Variants in PDE10A observed in about 807,000 individuals in gnomAD.
PDE10A encodes the protein cAMP and cAMP-inhibited cGMP 3',5'-cyclic phosphodiesterase 10A.
A neutral mutation model predicts 97.7 loss-of-function variants in PDE10A; 39 were observed. That is an observed-to-expected ratio of 0.40 (90% CI 0.31 to 0.52). PDE10A has a LOEUF of 0.52. Among genes scored for constraint, PDE10A ranks in the 20% least tolerant of loss-of-function variants. The probability of loss-of-function intolerance (pLI) is 0.56; values close to 1 mark genes in which losing one functional copy is unlikely to be tolerated. For missense variants in PDE10A, 731 were observed against 1,047.8 expected, an observed-to-expected ratio of 0.70 and a Z score of 4.17; for synonymous variants, 371 against 376.8, an observed-to-expected ratio of 0.98 and a Z score of 0.18.
At chr6:165,748,117 G>A (rs1196826431) in intron 1 of PDE10A, among the ~76,000 whole-genome samples, 2 of 152,160 alleles carry the variant, frequency 1.3e-5, no homozygotes, top group Non-Finnish European at 2.9e-5. Flanking sequence ...CAGAGAAACA[G>A]ACTTACAAAC....
intron 1 of PDE10A, among the ~76,000 whole-genome samples, chr6:165,756,871 G>C (rs550421757): frequency 1.3e-5 from 2 of 152,162 alleles, no homozygotes; most frequent in South Asian, 4.2e-4. Flanking sequence ...GGGAGAACGA[G>C]TATATTTCAT....
At chr6:165,674,119 G>A (rs1291734214) in intron 1 of PDE10A, among the ~76,000 whole-genome samples, 1 of 152,124 alleles carries the variant, frequency 6.6e-6, no homozygotes, top group Non-Finnish European at 1.5e-5. Flanking sequence ...TCATTGCCCA[G>A]GTTCAAATCT....
intron 1 of PDE10A, among the ~76,000 whole-genome samples, chr6:165,968,033 G>A (rs531753664): frequency 6.6e-6 from 1 of 152,338 alleles, no homozygotes; most frequent in African/African-American, 2.4e-5. Flanking sequence ...CCAAGGTTAG[G>A]AGACAATGTG....
Position 165,388,728 on chromosome 6 carries a change from G to T in PDE10A, c.2455-275C>A, listed in dbSNP as rs1320683350. 6.6e-6 allele frequency among the ~76,000 whole-genome samples: 1 copy of T among 152,140 alleles called. No individual in the cohort carries two copies. The highest frequency in any genetic ancestry group is 2.4e-5 in the African/African-American group (1 of 41,422). On this transcript the variant is annotated intron_variant, in intron 16 of 21. Coordinates refer to ENST00000539869, the MANE Select transcript of PDE10A (RefSeq NM_001385079.1). The surrounding 1 kb of genome is among the most constrained non-coding windows in gnomAD (Gnocchi z 4.0). ...TTCTCTCTCAACTCTAGGAAAAGGTGCAGGAGGTATCAACTTAAAGGTATA... is the reference window on the plus strand; with the variant it reads ...TTCTCTCTCAACTCTAGGAAAAGGTTCAGGAGGTATCAACTTAAAGGTATA...
chr6:165,883,097 G>A (rs528827561), intron 1 of PDE10A, among the ~76,000 whole-genome samples: 6 of 152,250 alleles, frequency 3.9e-5, no homozygotes, highest in African/African-American at 1.2e-4. Context: ...TTAGTCGGGT[G>A]CAGTGGCGCA....
intron 1 of PDE10A, among the ~76,000 whole-genome samples, chr6:165,865,573 CAA>C (rs565622096): frequency 1.3e-5 from 2 of 151,946 alleles, no homozygotes; most frequent in Non-Finnish European, 2.9e-5. Flanking sequence ...AGAAATTCAA[CAA>C]AGAGATAGAC....
chr6:165,762,465 T>A (rs557842498), intron 1 of PDE10A, among the ~76,000 whole-genome samples: 1 of 150,540 alleles, frequency 6.6e-6, no homozygotes, highest in South Asian at 2.1e-4. Flanking sequence ...TGTACATCAG[T>A]GGTCTTTAGA....
chr6:165,932,777 T>G (rs1205935081), intron 1 of PDE10A, among the ~76,000 whole-genome samples: 3 of 152,252 alleles, frequency 2.0e-5, no homozygotes, highest in African/African-American at 7.2e-5. Flanking sequence ...CGGCCTGAGC[T>G]GAACTTTTTG....
At chr6:165,619,498 T>G (rs1184223804) in intron 1 of PDE10A, among the ~76,000 whole-genome samples, 1 of 118,866 alleles carries the variant, frequency 8.4e-6, no homozygotes, top group African/African-American at 3.7e-5. Flanking sequence ...TCTAGTGTAG[T>G]CTAGTGTAGT....
At chr6:165,725,383 T>C (rs972421961) in intron 1 of PDE10A, among the ~76,000 whole-genome samples, 1 of 152,148 alleles carries the variant, frequency 6.6e-6, no homozygotes, top group Admixed American at 6.5e-5. Flanking sequence ...CACTCAACCC[T>C]AGAGGGTGCC....
intron 2 of PDE10A, among the ~76,000 whole-genome samples, chr6:165,541,154 C>G (rs973752028): frequency 6.6e-6 from 1 of 152,126 alleles, no homozygotes; most frequent in African/African-American, 2.4e-5. Context: ...TTTTTATATA[C>G]TTCCAGTGCT....
intron 2 of PDE10A, among the ~76,000 whole-genome samples, chr6:165,527,625 C>G (rs1432340880): frequency 6.6e-6 from 1 of 152,192 alleles, no homozygotes; most frequent in South Asian, 2.1e-4. Flanking sequence ...AACTGCCCAT[C>G]ATGAACTGGG....
At chr6:165,764,942 G>C (rs961117438) in intron 1 of PDE10A, among the ~76,000 whole-genome samples, 2 of 152,120 alleles carry the variant, frequency 1.3e-5, no homozygotes, top group Non-Finnish European at 2.9e-5. Flanking sequence ...TGATTGGTGC[G>C]TTTATAATCC....
rs144210201 is a variant in PDE10A at position 165,714,843 on chromosome 6, C to T, written c.-614-171275G>A. On this transcript the variant is annotated intron_variant, in intron 1 of 19. Transcript: ENST00000366882. ...ATTGTGGCCCAGTCCCAACCCACAG[C>T]GACAGAAGAACCTGTTGAACCTGGG... Among the ~76,000 whole-genome samples, 794 of 152,354 alleles carry T rather than the reference C, an allele frequency of 5.2e-3. 1 individual carries two copies. The highest frequency in any genetic ancestry group is 0.01 in the Middle Eastern group (3 of 294).
At chr6:165,665,188 C>T (rs1278248288), upstream of PDE10A, among the ~76,000 whole-genome samples, 1 of 152,178 alleles carries the variant, frequency 6.6e-6, no homozygotes, top group Non-Finnish European at 1.5e-5. Flanking sequence ...CATACATGAT[C>T]TCCCTCCTTC....
Position 165,617,922 on chromosome 6 carries a change from C to T in PDE10A, c.865+44025G>A, listed in dbSNP as rs951552517. Among the ~76,000 whole-genome samples the T allele has an allele frequency of 7.2e-5, 11 of 152,038 alleles. 1 individual carries two copies. The highest frequency in any genetic ancestry group is 2.7e-4 in the African/African-American group (11 of 41,392). Reference sequence around the variant, plus strand: ...CTTCTTTTCCCCCAAGCAGATTATACATATTAATTAAATGGTAGAGAAGTC... The same window carrying T: ...CTTCTTTTCCCCCAAGCAGATTATATATATTAATTAAATGGTAGAGAAGTC... On this transcript the variant is annotated intron_variant, in intron 1 of 21. Transcript: ENST00000539869.
chr6:165,669,369 G>A (rs1790584642), intron 1 of PDE10A, among the ~76,000 whole-genome samples: 2 of 151,968 alleles, frequency 1.3e-5, no homozygotes, highest in South Asian at 4.2e-4. Context: ...CAGAAATTGG[G>A]GTTTAATTAC....
At chr6:165,604,218 G>T (rs902554940) in intron 1 of PDE10A, among the ~76,000 whole-genome samples, 34 of 152,080 alleles carry the variant, frequency 2.2e-4, no homozygotes, top group Non-Finnish European at 1.3e-4. Flanking sequence ...TCGTCTTCAT[G>T]GGTCTGTAGT....
intron 1 of PDE10A, among the ~76,000 whole-genome samples, chr6:165,804,403 GTTTGT>G (rs894903125): frequency 1.3e-5 from 2 of 152,110 alleles, no homozygotes; most frequent in South Asian, 4.1e-4. Context: ...CGTTTGCTTC[GTTTGT>G]TTTGTTTTGT....
Sources: gnomAD v4.1 joint callset for allele counts (sites outside exome capture counted in the v4.1 genomes callset) on GRCh38, gnomAD v4.1.1 for gene constraint, Gnocchi (gnomAD v3.1) non-coding constraint, MANE v1.5 for transcripts, NCBI Gene and HGNC (gene_info 2026-07-23, HGNC 2026-07-21) for gene names.